The following ZNF333 variants were observed in gnomAD, a reference collection of about 807,000 sequenced individuals.
ZNF333 encodes the protein zinc finger protein 333.
In ZNF333, 61 loss-of-function variants were observed where a neutral mutation model predicts 76.1. The observed-to-expected ratio is 0.80, with a 90% CI of 0.65 to 0.99. The LOEUF (loss-of-function observed/expected upper bound fraction) is 0.99, where lower values mean the gene tolerates loss of function less well. Ranked by LOEUF, ZNF333 falls within the 50% of genes least tolerant of loss-of-function variation. The pLI is 0.00. For missense variants in ZNF333, 717 were observed against 822.4 expected, an observed-to-expected ratio of 0.87 and a Z score of 1.57; for synonymous variants, 284 against 305.0, an observed-to-expected ratio of 0.93 and a Z score of 0.72.
chr19:14,728,305 T>G (rs556243644), intron 11 of ZNF333, among the ~76,000 whole-genome samples: 1 of 152,230 alleles, frequency 6.6e-6, no homozygotes, highest in Non-Finnish European at 1.5e-5. Flanking sequence ...ATTTTTTCTA[T>G]CTACAGGCTG....
chr19:14,733,216 T>C (rs1219583826), exon 12 of ZNF333: 2 of 152,170 alleles, frequency 1.3e-5, no homozygotes, highest in Non-Finnish European at 2.9e-5. Context: ...GACTTGAGGG[T>C]ACTGACTGGC....
At chr19:14,722,298 C>T (rs1193889737), downstream of ZNF333, among the ~76,000 whole-genome samples, 7 of 152,184 alleles carry the variant, frequency 4.6e-5, no homozygotes, top group East Asian at 3.8e-4. Context: ...ACCTTGAAGA[C>T]GAGCTTGGTC....
chr19:14,729,012 C>T (rs575562880), intron 11 of ZNF333, among the ~76,000 whole-genome samples: 14 of 152,162 alleles, frequency 9.2e-5, no homozygotes, highest in South Asian at 6.3e-4. Context: ...AATGGTGGGA[C>T]GTGCAGTTTT....
At position 14,718,909 on chromosome 19, in the gene ZNF333, C is replaced by T; in HGVS notation, c.1582C>T (p.His528Tyr). The T allele has an allele frequency of 6.2e-7, 1 of 1,614,160 alleles. No homozygotes were observed. The highest frequency in any genetic ancestry group is 8.5e-7 in the Non-Finnish European group (1 of 1,180,000). Residue 528 changes from histidine (H) to tyrosine (Y), a missense_variant, in exon 12 of 12, where the codon CAC becomes TAC. Physicochemically the swap from His to Tyr is moderately conservative, Grantham distance 83 (BLOSUM62 2). Coordinates refer to ENST00000292530, the MANE Select transcript of ZNF333 (RefSeq NM_032433.4). The part of the protein sequence containing the change: ...STHLNVHKRI[H>Y]TGEKLYECAT... The stretch of plus-strand genomic sequence containing the variant: ...TCATCTGAACGTGCACAAGAGGATA[C>T]ACACAGGGGAGAAACTGTATGAGTG...
At position 14,698,905 on chromosome 19, in the gene ZNF333, T is replaced by TAG. The variant is rs1247974865; in HGVS notation, c.224-293_224-292insGA. 1.7e-3 allele frequency among the ~76,000 whole-genome samples: 27 copies of TAG among 15,508 alleles called. 1 individual carries two copies. The South Asian group carries it at 0.02, about 11-fold the overall frequency. The allele number at this position is 15,508 out of a possible 152,430, so 10.2% of individuals were successfully genotyped here. A position where few individuals can be genotyped will look rare whatever the true frequency, so the allele number is the denominator to read the frequency against. ...GTACACACACACAAATATAGATATA[T>TAG]ATATATATATATATATATATATATA... On this transcript the variant is annotated intron_variant, in intron 4 of 11. Transcript: ENST00000292530.
intron 8 of ZNF333, 21 bp downstream of exon 8, chr19:14,715,491 C>CTT (rs758393421): frequency 2.5e-5 from 40 of 1,608,604 alleles, no homozygotes; most frequent in Non-Finnish European, 3.1e-5. Context: ...ACTTCTTGTT[C>CTT]TAAAAGAACA....
intron 4 of ZNF333, among the ~76,000 whole-genome samples, chr19:14,697,357 C>CTTTTTTTTTTTTTTTTTTT (rs139125023): frequency 1.1e-5 from 1 of 90,828 alleles, no homozygotes; most frequent in Non-Finnish European, 2.2e-5. Context: ...TTTTTCTTTT[C>CTTTTTTTTTTTTTTTTTTT]TTTTTTTTTT....
chr19:14,708,993 G>T (rs982136742), intron 7 of ZNF333: 1 of 152,222 alleles, frequency 6.6e-6, no homozygotes, highest in African/African-American at 2.4e-5. Context: ...GAAGGGCTTG[G>T]TGGGAGGTGA....
rs1973356112 is a variant in ZNF333, at chr19:14,698,113, T to C, written c.224-1086T>C. 3.3e-5 allele frequency among the ~76,000 whole-genome samples: 5 copies of C among 152,238 alleles called. No individual in the cohort carries two copies. The South Asian group carries it at 6.2e-4, about 19-fold the overall frequency. The stretch of plus-strand genomic sequence containing the variant: ...TCAGTATTAAAAGCTGGGCTGGGCA[T>C]GGTGGCTCATGCCTGCAGTCCCGGC... On this transcript the variant is annotated intron_variant, in intron 4 of 11. Coordinates refer to ENST00000292530, the MANE Select transcript of ZNF333 (RefSeq NM_032433.4).
At chr19:14,690,008 G>GAGCC (rs1294590245), upstream of ZNF333, 1 of 152,488 alleles carries the variant, frequency 6.6e-6, no homozygotes, top group Non-Finnish European at 1.5e-5. Context: ...ACAACAGCCT[G>GAGCC]AGCCACAGCC....
chr19:14,731,270 G>A (rs2042669046), exon 12 of ZNF333: 5 of 1,331,484 alleles, frequency 3.8e-6, no homozygotes, highest in African/African-American at 2.9e-5. Flanking sequence ...GATCACTACT[G>A]GGGCTTGAAG....
chr19:14,707,736 A>G (rs909451242), intron 7 of ZNF333, among the ~76,000 whole-genome samples: 8 of 150,712 alleles, frequency 5.3e-5, no homozygotes, highest in African/African-American at 2.0e-4. Flanking sequence ...TATTTTTAGT[A>G]GAGACGGGGT....
exon 12 of ZNF333, chr19:14,732,288 A>C (rs549626474): frequency 7.0e-6 from 1 of 143,576 alleles, no homozygotes; most frequent in African/African-American, 2.5e-5. Context: ...TTTAGGAATA[A>C]ACTATTTTTA....
downstream of ZNF333, among the ~76,000 whole-genome samples, chr19:14,724,530 C>T (rs1465079817): frequency 6.6e-6 from 1 of 152,202 alleles, no homozygotes; most frequent in African/African-American, 2.4e-5. Flanking sequence ...CTTTGGGAGG[C>T]CGAGGCGGGT....
intron 5 of ZNF333, among the ~76,000 whole-genome samples, chr19:14,704,693 G>A (rs1211131152): frequency 2.0e-5 from 3 of 152,146 alleles, no homozygotes; most frequent in East Asian, 1.9e-4. Context: ...ATCAGATCTC[G>A]TGAGACTTAC....
chr19:14,725,955 G>A (rs975559912), downstream of ZNF333, among the ~76,000 whole-genome samples: 4 of 152,116 alleles, frequency 2.6e-5, no homozygotes, highest in Non-Finnish European at 5.9e-5. Flanking sequence ...GTGGGGGTAC[G>A]GGGGAATCCA....
downstream of ZNF333, among the ~76,000 whole-genome samples, chr19:14,726,644 C>T (rs2042634398): frequency 6.6e-6 from 1 of 152,216 alleles, no homozygotes; most frequent in Non-Finnish European, 1.5e-5. Context: ...CAGACACTCT[C>T]TAAGTCATTA....
intron 1 of ZNF333, among the ~76,000 whole-genome samples, 160 bp downstream of exon 1, chr19:14,690,310 T>TG (rs1972663863): frequency 6.6e-6 from 1 of 152,196 alleles, no homozygotes; most frequent in African/African-American, 2.4e-5. Context: ...GCCTCGCATC[T>TG]GGGCGCCCGC....
exon 12 of ZNF333, chr19:14,731,226 C>T (rs2042668729): frequency 6.5e-7 from 1 of 1,527,576 alleles, no homozygotes; most frequent in Non-Finnish European, 8.8e-7. Flanking sequence ...CTTGCATGTT[C>T]AGATCGCTAG....
Sources: gnomAD v4.1 joint callset for allele counts (sites outside exome capture counted in the v4.1 genomes callset) on GRCh38, gnomAD v4.1.1 for gene constraint, MANE v1.5 for transcripts, NCBI Gene and HGNC (gene_info 2026-07-23, HGNC 2026-07-21) for gene names.